Variants in MTUS1 observed in about 807,000 individuals in gnomAD.
The protein encoded by MTUS1 is microtubule associated scaffold protein 1.
Under a neutral mutation model 120.8 loss-of-function variants are expected in MTUS1, and 109 were observed. The observed-to-expected ratio is 0.90, with a 90% CI of 0.77 to 1.06. The LOEUF (loss-of-function observed/expected upper bound fraction) is 1.06. Ranked by LOEUF, MTUS1 falls within the 50% of genes least tolerant of loss-of-function variation. The pLI is 0.00. For missense variants in MTUS1, 2,210 were observed against 1,486.3 expected (o/e 1.49, Z -8.01); for synonymous variants, 737 against 550.5 (o/e 1.34, Z -4.74).
chr8:17,653,372 C>A lies in MTUS1; in HGVS notation c.3288+53G>T, dbSNP rs146352032. ...CAGAAACATTAAAACCAAACAAAAT[C>A]AAAAATGATATTTTTTTTTGTGGGG... On this transcript the variant is annotated intron_variant, in intron 11 of 14. Transcript: ENST00000693296. The A allele has an allele frequency of 1.2e-4, 186 of 1,538,626 alleles. 1 individual carries two copies. The East Asian group carries it at 4.0e-3, about 33-fold the overall frequency.
chr8:17,679,013 A>C (rs1254869341), intron 7 of MTUS1, among the ~76,000 whole-genome samples: 1 of 152,190 alleles, frequency 6.6e-6, no homozygotes, highest in East Asian at 1.9e-4. Context: ...TAGTTCTCAG[A>C]TTCATGAGAT....
At position 17,755,249 on chromosome 8, in the gene MTUS1, C is replaced by G. The variant is rs1445340389; in HGVS notation, c.559G>C (p.Ala187Pro). ...AIGKSQSFHT[A>P]GSLPPTGRRS... ...CTACCAGTTGGTGGCAGGCTTCCAGCAGTATGGAAGGACTGACTCTTTCCG... is the reference window on the plus strand; with the variant it reads ...CTACCAGTTGGTGGCAGGCTTCCAGGAGTATGGAAGGACTGACTCTTTCCG... The change falls in exon 2 of 15, where the codon GCT becomes CCT. Residue 187 changes from alanine (A) to proline (P), a missense_variant. Transcript: ENST00000693296. The G allele has an allele frequency of 2.5e-6, 4 of 1,613,966 alleles. No individual in the cohort carries two copies. Among genetic ancestry groups the G allele is most frequent in the African/African-American group, 1.3e-5 (1 of 74,930 alleles).
intron 1 of MTUS1, among the ~76,000 whole-genome samples, chr8:17,756,672 C>T (rs1308676801): frequency 2.1e-5 from 1 of 46,702 alleles, no homozygotes; most frequent in Non-Finnish European, 5.3e-5. Flanking sequence ...CAAGCCCAAA[C>T]CCCCACCCCT....
intron 3 of MTUS1, among the ~76,000 whole-genome samples, chr8:17,743,151 A>C (rs909246300): frequency 2.6e-5 from 4 of 152,264 alleles, no homozygotes; most frequent in African/African-American, 9.6e-5. Context: ...ACATTAGAAA[A>C]ATTTAACTTT....
chr8:17,731,331 T>G (rs2046563491), intron 3 of MTUS1, among the ~76,000 whole-genome samples: 1 of 152,166 alleles, frequency 6.6e-6, no homozygotes, highest in Non-Finnish European at 1.5e-5. Context: ...CGTTCTGCAC[T>G]TCTGTTTTCT....
chr8:17,723,988 T>C, intron 3 of MTUS1, 155 bp from the exon 4 acceptor site: 1 of 629,208 alleles, frequency 1.6e-6, no homozygotes, highest in East Asian at 2.7e-5. Context: ...AGATGAAAGC[T>C]TCACGCAGAC....
At chr8:17,700,679 G>C (rs1026343852) in intron 6 of MTUS1, among the ~76,000 whole-genome samples, 4 of 148,298 alleles carry the variant, frequency 2.7e-5, no homozygotes, top group African/African-American at 9.8e-5. Flanking sequence ...ATATGTTTTT[G>C]TATTTTCCTA....
At chr8:17,646,825 T>C (rs1805891107) in intron 14 of MTUS1, among the ~76,000 whole-genome samples, 157 bp downstream of exon 14, 1 of 152,208 alleles carries the variant, frequency 6.6e-6, no homozygotes, top group South Asian at 2.1e-4. Context: ...AAGCATGAAC[T>C]ACTACAATCA....
At chr8:17,725,948 T>C (rs369748761) in intron 3 of MTUS1, among the ~76,000 whole-genome samples, 5 of 152,170 alleles carry the variant, frequency 3.3e-5, no homozygotes, top group African/African-American at 1.2e-4. Context: ...TTCACAGGCT[T>C]AAAAGGCAAT....
chr8:17,703,105 A>C (rs1819430257), intron 6 of MTUS1, among the ~76,000 whole-genome samples: 1 of 152,170 alleles, frequency 6.6e-6, no homozygotes, highest in Admixed American at 6.5e-5. Flanking sequence ...ACACAATAAC[A>C]GTGATTTTAG....
At chr8:17,756,671 A>ACCCACC (rs1554526124) in intron 1 of MTUS1, among the ~76,000 whole-genome samples, 2 of 117,484 alleles carry the variant, frequency 1.7e-5, no homozygotes, top group Non-Finnish European at 3.4e-5. Flanking sequence ...TCAAGCCCAA[A>ACCCACC]CCCCCACCCC....
chr8:17,697,972 T>C (rs1289785451), intron 6 of MTUS1, among the ~76,000 whole-genome samples: 1 of 152,162 alleles, frequency 6.6e-6, no homozygotes, highest in Non-Finnish European at 1.5e-5. Context: ...TTAAACCTGG[T>C]ATTTTGGAAA....
chr8:17,793,465 C>G (rs1194138408), intron 1 of MTUS1, among the ~76,000 whole-genome samples: 3 of 152,120 alleles, frequency 2.0e-5, no homozygotes, highest in African/African-American at 7.2e-5. Context: ...AAAGACCTTC[C>G]AGTAGCTGTG....
chr8:17,737,206 A>C (rs945375932), intron 3 of MTUS1, among the ~76,000 whole-genome samples: 2 of 152,138 alleles, frequency 1.3e-5, no homozygotes, highest in Non-Finnish European at 2.9e-5. Flanking sequence ...TCCACCAATT[A>C]CCCCACTGTG....
intron 8 of MTUS1, among the ~76,000 whole-genome samples, chr8:17,668,110 A>G (rs1421713223): frequency 6.7e-6 from 1 of 148,956 alleles, no homozygotes; most frequent in Non-Finnish European, 1.5e-5. Context: ...AATCTTCATT[A>G]ATTTAGATCA....
At chr8:17,713,344 C>G (rs1821704839) in intron 5 of MTUS1, 92 bp from the exon 6 acceptor site, 5 of 808,406 alleles carry the variant, frequency 6.2e-6, no homozygotes, top group South Asian at 1.6e-5. Context: ...TTTTCAAAAA[C>G]AATCAATCGC....
At chr8:17,794,235 G>A (rs2052033416) in intron 1 of MTUS1, among the ~76,000 whole-genome samples, 1 of 152,040 alleles carries the variant, frequency 6.6e-6, no homozygotes, top group Non-Finnish European at 1.5e-5. Flanking sequence ...AGCTGAGGCA[G>A]GAGAATCGCT....
intron 8 of MTUS1, among the ~76,000 whole-genome samples, chr8:17,666,882 C>T (rs756708617): frequency 6.6e-6 from 1 of 152,022 alleles, no homozygotes; most frequent in Non-Finnish European, 1.5e-5. Context: ...TTAAAAAAAA[C>T]AAAGTGCAGA....
intron 12 of MTUS1, among the ~76,000 whole-genome samples, chr8:17,651,409 G>A (rs1226395948): frequency 6.6e-6 from 1 of 151,886 alleles, no homozygotes. Context: ...CCCTGACTTG[G>A]GCATTACACA....
Sources: gnomAD v4.1 joint callset for allele counts (sites outside exome capture counted in the v4.1 genomes callset) on GRCh38, gnomAD v4.1.1 for gene constraint, MANE v1.5 for transcripts, NCBI Gene and HGNC (gene_info 2026-07-23, HGNC 2026-07-21) for gene names.